Variants in HUWE1 observed in about 807,000 individuals in gnomAD.
The protein encoded by HUWE1 is HECT, UBA and WWE domain containing E3 ubiquitin protein ligase 1, also known as E3 ubiquitin-protein ligase HUWE1.
In HUWE1, 18 loss-of-function variants were observed where a neutral mutation model predicts 299.4. The observed-to-expected ratio is 0.06, with a 90% CI of 0.04 to 0.09. The LOEUF is 0.09. Ranked by LOEUF, HUWE1 falls within the 10% of genes least tolerant of loss-of-function variation. The pLI, the probability that HUWE1 is intolerant of heterozygous loss-of-function variation, is 1.00. For synonymous variants in HUWE1, 1,317 were observed against 1,286.1 expected, an observed-to-expected ratio of 1.02 and a Z score of -0.51; for missense variants, 1,832 against 3,462.3, an observed-to-expected ratio of 0.53 and a Z score of 11.82.
At chrX:53,656,061 AG>A (rs1557042803) in intron 3 of HUWE1, among the ~76,000 whole-genome samples, 1 of 110,972 alleles carries the variant, frequency 9.0e-6, no homozygotes, top group African/African-American at 3.3e-5. Flanking sequence ...CCTGGGCAAC[AG>A]AGCGAGACTC....
At chrX:53,554,570 G>C in intron 61 of HUWE1, 63 bp downstream of exon 61, 1 of 1,100,443 alleles carries the variant, frequency 9.1e-7, no homozygotes, top group Admixed American at 2.2e-5. Flanking sequence ...GCAAAGAGAA[G>C]CTACAAAGAC....
intron 8 of HUWE1, among the ~76,000 whole-genome samples, chrX:53,633,027 G>C (rs1032472462): frequency 1.8e-5 from 2 of 112,687 alleles, no homozygotes; most frequent in Non-Finnish European, 3.8e-5. Context: ...TTAATTCAAA[G>C]TATGCCTCAT....
intron 27 of HUWE1, 43 bp from the exon 28 acceptor site, chrX:53,602,701 A>G (rs781913558): frequency 1.5e-6 from 1 of 668,409 alleles, no homozygotes; most frequent in East Asian, 3.6e-5. Flanking sequence ...ATATATATAT[A>G]TATACTGATA....
rs1418205836 is a variant in HUWE1 at position 53,535,585 on chromosome X, T to TGC, written c.12532-86_12532-85dup. ...ACCTAGGAACACACCCTAAACCCCT[T>TGC]GCCATGTCCTAGGCAGAGAGATGAG... On this transcript the variant is annotated intron_variant, in intron 80 of 83. Transcript: ENST00000262854. 33 of 634,172 alleles carry TGC rather than the reference T, an allele frequency of 5.2e-5. No homozygotes were observed. The Admixed American group carries it at 7.4e-4, about 14-fold the overall frequency. The allele number at this position is 634,172 out of a possible 1,213,427, so 52.3% of individuals were successfully genotyped here. A position where few individuals can be genotyped will look rare whatever the true frequency, so the allele number is the denominator to read the frequency against.
chrX:53,542,357 T>A (rs781879298), intron 74 of HUWE1, 86 bp downstream of exon 74: 7 of 645,289 alleles, frequency 1.1e-5, no homozygotes, highest in African/African-American at 2.1e-5. Flanking sequence ...ACTGGGCTTA[T>A]ATATGCTGGG....
intron 70 of HUWE1, 57 bp downstream of exon 70, chrX:53,546,379 A>G: frequency 9.2e-7 from 1 of 1,090,261 alleles, no homozygotes. Context: ...TTCCAGAAAG[A>G]GGAAGCACCT....
At chrX:53,559,913 G>A (rs1372267957) in intron 56 of HUWE1, among the ~76,000 whole-genome samples, 1 of 112,125 alleles carries the variant, frequency 8.9e-6, no homozygotes, top group African/African-American at 3.2e-5. Flanking sequence ...ATCTTGTCCC[G>A]TCTATATCTA....
At chrX:53,586,960 C>T in intron 37 of HUWE1, 51 bp from the exon 38 acceptor site, 1 of 1,177,674 alleles carries the variant, frequency 8.5e-7, no homozygotes. Flanking sequence ...AATTTCTACT[C>T]AGTAACAAAG....
chrX:53,670,240 A>G (rs190132727), intron 3 of HUWE1, among the ~76,000 whole-genome samples: 6 of 112,013 alleles, frequency 5.4e-5, no homozygotes, highest in Non-Finnish European at 9.4e-5. Flanking sequence ...CTATTTGGGG[A>G]GTAACTTTCT....
In HUWE1 at chrX:53,551,407, T is replaced by C. The variant is rs782803751; in HGVS notation, c.8955A>G (p.Leu2985=). Residue 2985 remains leucine (L), a synonymous_variant, in exon 64 of 84, where the codon CTA becomes CTG. Transcript: ENST00000262854. The part of the protein sequence containing the change: ...ALPDDIRREV[L]QNQLGIRPPT... The stretch of plus-strand genomic sequence containing the variant: ...GTGGACGAATGCCTAGCTGGTTCTG[T>C]AGAACTTCCCGACGGATGTCATCAG... 5 of 1,207,305 alleles carry C rather than the reference T, an allele frequency of 4.1e-6. No homozygotes were observed. Among genetic ancestry groups the C allele is most frequent in the South Asian group, 3.6e-5 (2 of 56,264 alleles).
In HUWE1 at chrX:53,617,451, A is replaced by AAAAAGATGAG. The variant is rs1557008548; in HGVS notation, c.1673-15_1673-6dup. ...ACACAGTCACCACTTCAGTAGCTAA[A>AAAAAGATGAG]AAAAGATGAGAAAATATGGAAAACT... On this transcript the variant is annotated splice_polypyrimidine_tract_variant and splice_region_variant and intron_variant, in intron 19 of 83. Coordinates refer to ENST00000262854, the MANE Select transcript of HUWE1 (RefSeq NM_031407.7). 2 of 1,093,567 alleles carry AAAAAGATGAG rather than the reference A, an allele frequency of 1.8e-6. No individual in the cohort carries two copies. Among genetic ancestry groups the AAAAAGATGAG allele is most frequent in the East Asian group, 6.2e-5 (2 of 32,445 alleles). 90.1% of individuals were successfully genotyped at this position (1,093,567 alleles called of 1,213,427 possible).
chrX:53,679,752 G>C (rs2070032131), intron 3 of HUWE1, among the ~76,000 whole-genome samples: 1 of 112,591 alleles, frequency 8.9e-6, no homozygotes, highest in Non-Finnish European at 1.9e-5. Flanking sequence ...TTGCATGTTT[G>C]AAATTTTTCG....
chrX:53,600,028 A>C, intron 29 of HUWE1, 90 bp downstream of exon 29: 2 of 846,439 alleles, frequency 2.4e-6, no homozygotes, highest in African/African-American at 2.0e-5. Flanking sequence ...AAACTTCCTT[A>C]GGTGAAACAA....
chrX:53,658,431 A>G (rs2068848051), intron 3 of HUWE1, among the ~76,000 whole-genome samples: 1 of 111,893 alleles, frequency 8.9e-6, no homozygotes. Context: ...AGAAGAACAA[A>G]GTCAGAAGAC....
intron 36 of HUWE1, 68 bp from the exon 37 acceptor site, chrX:53,588,602 C>A (rs1365498003): frequency 9.5e-7 from 1 of 1,055,303 alleles, no homozygotes; most frequent in Non-Finnish European, 1.3e-6. Flanking sequence ...AAAATATTCT[C>A]AACCTTTTAA....
chrX:53,629,097 G>C (rs1296017065), intron 13 of HUWE1, among the ~76,000 whole-genome samples, 195 bp from the exon 14 acceptor site: 1 of 111,347 alleles, frequency 9.0e-6, no homozygotes, highest in Non-Finnish European at 1.9e-5. Flanking sequence ...AAAGAGGGAA[G>C]TACTGGGAGT....
At chrX:53,550,574 T>G in intron 66 of HUWE1, 92 bp downstream of exon 66, 1 of 799,834 alleles carries the variant, frequency 1.3e-6, no homozygotes, top group Non-Finnish European at 1.9e-6. Context: ...ATCCTGCCTG[T>G]CAGGATTTCA....
At chrX:53,564,920 TG>T in intron 50 of HUWE1, 146 bp downstream of exon 50, 2 of 798,657 alleles carry the variant, frequency 2.5e-6, no homozygotes, top group Non-Finnish European at 3.8e-6. Context: ...AGGAATTCTT[TG>T]TGGGGCAGAT....
chrX:53,627,111 AAT>A (rs781910585), intron 17 of HUWE1, among the ~76,000 whole-genome samples: 1 of 111,658 alleles, frequency 9.0e-6, no homozygotes, highest in South Asian at 3.7e-4. Context: ...TTTTAGTAGA[AAT>A]AAGACAATAA....
Sources: allele counts gnomAD v4.1 joint callset (sites outside exome capture counted in the v4.1 genomes callset), GRCh38; gene constraint gnomAD v4.1.1; transcripts MANE v1.5; gene names NCBI Gene and HGNC (gene_info 2026-07-23, HGNC 2026-07-21).